The following TAPT1 variants were observed in gnomAD, a reference collection of about 807,000 sequenced individuals.
The protein encoded by TAPT1 is transmembrane anterior posterior transformation 1, also known as transmembrane anterior posterior transformation protein 1 homolog.
TAPT1 carries 28 observed loss-of-function variants against 65.6 expected under a neutral mutation model. The ratio of observed to expected loss-of-function variants is 0.43; its 90% CI spans 0.32 to 0.59. The LOEUF (loss-of-function observed/expected upper bound fraction) is 0.59. TAPT1 is among the 20% of genes least tolerant of loss of function. The pLI, the probability that TAPT1 is intolerant of heterozygous loss-of-function variation, is 0.09. For synonymous variants in TAPT1, 278 were observed against 245.2 expected, an observed-to-expected ratio of 1.13 and a Z score of -1.25; for missense variants, 563 against 679.9, an observed-to-expected ratio of 0.83 and a Z score of 1.91.
At chr4:16,207,180 G>C (rs1750396320) in intron 2 of TAPT1, among the ~76,000 whole-genome samples, 2 of 152,210 alleles carry the variant, frequency 1.3e-5, no homozygotes, top group Non-Finnish European at 1.5e-5. Context: ...AGAATTTAGA[G>C]GGATGATTCT....
intron 1 of TAPT1, among the ~76,000 whole-genome samples, chr4:16,219,970 C>T (rs1056753917): frequency 6.6e-6 from 1 of 152,216 alleles, no homozygotes; most frequent in African/African-American, 2.4e-5. Flanking sequence ...GGGTACAGTG[C>T]CTCACTGCCA....
At chr4:16,206,408 T>C (rs1463009097) in intron 2 of TAPT1, among the ~76,000 whole-genome samples, 2 of 152,204 alleles carry the variant, frequency 1.3e-5, no homozygotes, top group African/African-American at 4.8e-5. Flanking sequence ...GCAGGAACTA[T>C]TACTTGGTAT....
chr4:16,210,655 C>T (rs934267703), intron 2 of TAPT1, among the ~76,000 whole-genome samples: 16 of 152,180 alleles, frequency 1.1e-4, no homozygotes, highest in African/African-American at 3.4e-4. Flanking sequence ...TTAGACAGTT[C>T]GGCTTTAGAG....
At chr4:16,169,988 G>A (rs1322900511) in intron 12 of TAPT1, among the ~76,000 whole-genome samples, 1 of 152,192 alleles carries the variant, frequency 6.6e-6, no homozygotes, top group African/African-American at 2.4e-5. Context: ...CCACCTAGGC[G>A]AGGGTGGAAC....
At position 16,176,255 on chromosome 4, in the gene TAPT1, G is replaced by A. The variant is rs78046649; in HGVS notation, c.998-27C>T. ...TGTAAATAGAAAAAAGAAAAACAAC[G>A]AAATATCTTAATATGAACAGAATCC... is the stretch of plus-strand genomic sequence containing the variant. On this transcript the variant is annotated intron_variant, in intron 8 of 13. Coordinates refer to ENST00000405303, the MANE Select transcript of TAPT1 (RefSeq NM_153365.3). The A allele has an allele frequency of 2.8e-3, 3,364 of 1,208,212 alleles. 90 individuals carry two copies. The African/African-American group carries it at 0.046, about 16-fold the overall frequency. 74.8% of individuals were successfully genotyped at this position (1,208,212 alleles called of 1,614,324 possible).
intron 2 of TAPT1, among the ~76,000 whole-genome samples, chr4:16,212,950 CTT>C (rs1408678225): frequency 6.6e-6 from 1 of 152,216 alleles, no homozygotes; most frequent in African/African-American, 2.4e-5. Context: ...TGCAGTACCT[CTT>C]GTTACTACAA....
At chr4:16,191,049 G>C (rs1749343893) in intron 4 of TAPT1, 1 of 243,034 alleles carries the variant, frequency 4.1e-6, no homozygotes, top group Non-Finnish European at 8.0e-6. Context: ...GTTCTAAAAT[G>C]TCTGGGCAGC....
chr4:16,202,353 G>A (rs1750085557), intron 3 of TAPT1, 109 bp downstream of exon 3: 2 of 629,608 alleles, frequency 3.2e-6, no homozygotes, highest in Admixed American at 3.0e-5. Flanking sequence ...TGCATGAAGG[G>A]CCAAAGTGTG....
intron 3 of TAPT1, chr4:16,196,564 C>A (rs77587689): frequency 3.3e-5 from 17 of 522,316 alleles, no homozygotes; most frequent in South Asian, 1.2e-4. Context: ...GTTTCTACCC[C>A]CTAATGGCTA....
chr4:16,205,600 T>G (rs576944642), intron 2 of TAPT1, among the ~76,000 whole-genome samples: 2 of 152,038 alleles, frequency 1.3e-5, no homozygotes, highest in South Asian at 4.2e-4. Flanking sequence ...GCGTGTGTAT[T>G]TGGGGGCAGG....
At position 16,176,206 on chromosome 4, in the gene TAPT1, T is replaced by C; in HGVS notation, c.1020A>G (p.Pro340=). Residue 340 remains proline, a synonymous_variant, in exon 9 of 14, where the codon CCA becomes CCG. Transcript: ENST00000405303. ...CTGATGCAATTACCATACAGACATC[T>C]GGAAACAACACCCAGAGATGATCTG... ...WNPDHLWVLF[P]DVCMVIASEI... 1.9e-6 allele frequency: 3 copies of C among 1,564,362 alleles called. No homozygotes were observed. Among genetic ancestry groups the C allele is most frequent in the South Asian group, 1.2e-5 (1 of 83,654 alleles).
At chr4:16,227,366 A>G (rs1392825340), upstream of TAPT1, 3 of 452,802 alleles carry the variant, frequency 6.6e-6, no homozygotes, top group African/African-American at 2.0e-5. Flanking sequence ...GTGACCCCGC[A>G]ACGAGCGTGG....
chr4:16,170,910 T>C (rs1056204944), intron 11 of TAPT1, among the ~76,000 whole-genome samples, 181 bp from the exon 12 acceptor site: 2 of 152,220 alleles, frequency 1.3e-5, no homozygotes, highest in African/African-American at 4.8e-5. Context: ...ATCTGCCTGC[T>C]TGTGAAACCT....
chr4:16,222,948 ACC>A (rs1196179653), intron 1 of TAPT1, among the ~76,000 whole-genome samples: 1 of 152,162 alleles, frequency 6.6e-6, no homozygotes, highest in Non-Finnish European at 1.5e-5. Flanking sequence ...TACAAGCAAT[ACC>A]TATCCCCATG....
chr4:16,166,167 A>T (rs1325560428), intron 13 of TAPT1, among the ~76,000 whole-genome samples: 1 of 152,096 alleles, frequency 6.6e-6, no homozygotes, highest in Non-Finnish European at 1.5e-5. Flanking sequence ...CTGCTCCTGG[A>T]AGGCTGGATG....
intron 3 of TAPT1, among the ~76,000 whole-genome samples, chr4:16,201,439 T>A (rs1483849673): frequency 1.3e-5 from 2 of 152,226 alleles, no homozygotes; most frequent in Non-Finnish European, 2.9e-5. Flanking sequence ...TTGTCCATTT[T>A]AGCATTTTAG....
At position 16,176,284 on chromosome 4, in the gene TAPT1, T is replaced by C. The variant is rs1396212037; in HGVS notation, c.998-56A>G. On this transcript the variant is annotated intron_variant, in intron 8 of 13. Coordinates refer to ENST00000405303, the MANE Select transcript of TAPT1 (RefSeq NM_153365.3). ...TATCTTAATATGAACAGAATCCATATCACAGGCTACCAGAGAAATATGAAA... is the reference window on the plus strand; with the variant it reads ...TATCTTAATATGAACAGAATCCATACCACAGGCTACCAGAGAAATATGAAA... 4 of 839,624 alleles carry C rather than the reference T, an allele frequency of 4.8e-6. No individual in the cohort carries two copies. The South Asian group carries it at 5.2e-5, about 11-fold the overall frequency. 52.0% of individuals were successfully genotyped at this position (839,624 alleles called of 1,614,324 possible). A position where few individuals can be genotyped will look rare whatever the true frequency, so the allele number is the denominator to read the frequency against.
intron 12 of TAPT1, among the ~76,000 whole-genome samples, chr4:16,170,014 T>C (rs556027657): frequency 1.8e-4 from 28 of 152,220 alleles, no homozygotes; most frequent in Non-Finnish European, 3.7e-4. Context: ...TCCCGTTTCA[T>C]TTTTCAGTAA....
chr4:16,172,807 GTTTGT>G (rs151103173), intron 11 of TAPT1, among the ~76,000 whole-genome samples: 3,945 of 151,568 alleles, frequency 0.026, 72 homozygotes, highest in Admixed American at 0.042. Flanking sequence ...AGTTGCATTT[GTTTGT>G]TTTGTTTTGT....
Sources: allele counts gnomAD v4.1 joint callset (sites outside exome capture counted in the v4.1 genomes callset), GRCh38; gene constraint gnomAD v4.1.1; transcripts MANE v1.5; gene names NCBI Gene and HGNC (gene_info 2026-07-23, HGNC 2026-07-21).